The following USP32 variants were observed in gnomAD, a reference collection of about 807,000 sequenced individuals.
The protein encoded by USP32 is ubiquitin carboxyl-terminal hydrolase 32.
Under a neutral mutation model 204.8 loss-of-function variants are expected in USP32, and 59 were observed. The ratio of observed to expected loss-of-function variants is 0.29; its 90% CI spans 0.23 to 0.36. The LOEUF (loss-of-function observed/expected upper bound fraction) is 0.36. Among genes scored for constraint, USP32 ranks in the 10% least tolerant of loss-of-function variants. The pLI is 1.00. For missense variants in USP32, 1,160 were observed against 1,946.4 expected (o/e 0.60, Z 7.60); for synonymous variants, 517 against 678.4 (o/e 0.76, Z 3.70).
rs542482373 is a variant in USP32 at position 60,289,842 on chromosome 17, C to T, written c.412-1160G>A. The stretch of plus-strand genomic sequence containing the variant: ...TTGGAGCAGCTCTAATCCTAATAGA[C>T]ATGCTAAAGAATACGAATAATTAGT... On this transcript the variant is annotated intron_variant, in intron 4 of 33. Coordinates refer to ENST00000300896, the MANE Select transcript of USP32 (RefSeq NM_032582.4). 3.3e-5 allele frequency among the ~76,000 whole-genome samples: 5 copies of T among 152,260 alleles called. No homozygotes were observed. The South Asian group carries it at 1.0e-3, about 32-fold the overall frequency.
intron 11 of USP32, among the ~76,000 whole-genome samples, chr17:60,240,578 TC>T: frequency 6.6e-6 from 1 of 152,110 alleles, no homozygotes; most frequent in East Asian, 1.9e-4. Context: ...GCTGGGGCAT[TC>T]CTACAATGGT....
chr17:60,243,403 G>A (rs2085929271), intron 11 of USP32, among the ~76,000 whole-genome samples: 1 of 152,060 alleles, frequency 6.6e-6, no homozygotes, highest in Non-Finnish European at 1.5e-5. Flanking sequence ...ATGTTGATAA[G>A]TGCGGCAAAA....
chr17:60,260,132 C>T (rs908596565), intron 9 of USP32, among the ~76,000 whole-genome samples: 7 of 152,122 alleles, frequency 4.6e-5, no homozygotes, highest in African/African-American at 1.7e-4. Context: ...TATTACAATG[C>T]TATCAGAACC....
At chr17:60,292,800 T>C (rs2087316388) in intron 4 of USP32, among the ~76,000 whole-genome samples, 1 of 150,132 alleles carries the variant, frequency 6.7e-6, no homozygotes, top group South Asian at 2.1e-4. Context: ...AAAAGCCTCA[T>C]ATTTTGTTAC....
intron 25 of USP32, among the ~76,000 whole-genome samples, chr17:60,205,925 G>C (rs1475555096): frequency 6.6e-6 from 1 of 152,214 alleles, no homozygotes; most frequent in African/African-American, 2.4e-5. Context: ...TCAGCACCAT[G>C]TTGTAGCACA....
At chr17:60,236,631 A>G (rs1224996442) in intron 11 of USP32, among the ~76,000 whole-genome samples, 1 of 152,192 alleles carries the variant, frequency 6.6e-6, no homozygotes, top group African/African-American at 2.4e-5. Flanking sequence ...TAAGTGTACA[A>G]CTCAGTGATT....
chr17:60,267,817 C>T (rs2086633155), intron 7 of USP32, among the ~76,000 whole-genome samples: 1 of 150,672 alleles, frequency 6.6e-6, no homozygotes, highest in African/African-American at 2.4e-5. Flanking sequence ...CCGTGCCAGG[C>T]CTTTTTTTCT....
At chr17:60,262,812 A>G in intron 9 of USP32, among the ~76,000 whole-genome samples, 1 of 152,196 alleles carries the variant, frequency 6.6e-6, no homozygotes, top group East Asian at 1.9e-4. Context: ...TCTTTTAGGA[A>G]TCACCTTTCA....
At chr17:60,366,315 G>A (rs572311573) in intron 1 of USP32, among the ~76,000 whole-genome samples, 1 of 151,952 alleles carries the variant, frequency 6.6e-6, no homozygotes, top group Non-Finnish European at 1.5e-5. Flanking sequence ...CATGCCACCA[G>A]GCCCAGCTAA....
chr17:60,361,847 G>A (rs2089213538), intron 1 of USP32, among the ~76,000 whole-genome samples: 2 of 152,076 alleles, frequency 1.3e-5, no homozygotes, highest in African/African-American at 4.8e-5. Context: ...AAACAGTGTG[G>A]AGAGAGAAAG....
At chr17:60,231,001 C>T (rs9893536) in intron 12 of USP32, among the ~76,000 whole-genome samples, 31,807 of 152,092 alleles carry the variant, frequency 0.21, 8,198 homozygotes, top group African/African-American at 0.61. Flanking sequence ...TATCCTAGAA[C>T]CCTGGTTTTC....
At chr17:60,195,771 C>T (rs1257070399) in intron 27 of USP32, among the ~76,000 whole-genome samples, 2 of 152,208 alleles carry the variant, frequency 1.3e-5, no homozygotes, top group African/African-American at 4.8e-5. Context: ...TGTTAATCAT[C>T]TGGTCTCAGG....
At chr17:60,311,589 G>T (rs767035078) in intron 2 of USP32, among the ~76,000 whole-genome samples, 2 of 152,198 alleles carry the variant, frequency 1.3e-5, no homozygotes, top group Non-Finnish European at 2.9e-5. Context: ...TTGGGAGGCC[G>T]AGGATGGTGG....
chr17:60,285,026 T>C (rs2087075152), intron 5 of USP32, among the ~76,000 whole-genome samples: 1 of 152,214 alleles, frequency 6.6e-6, no homozygotes, highest in African/African-American at 2.4e-5. Context: ...ATACCCTTAA[T>C]TGCAGTAGTC....
intron 9 of USP32, among the ~76,000 whole-genome samples, chr17:60,264,718 G>A (rs755378454): frequency 5.9e-5 from 9 of 151,534 alleles, no homozygotes; most frequent in East Asian, 3.9e-4. Context: ...AAAATCAGCC[G>A]GCATGGTGGC....
intron 1 of USP32, among the ~76,000 whole-genome samples, chr17:60,368,540 G>A (rs1268579754): frequency 1.3e-5 from 2 of 151,820 alleles, no homozygotes; most frequent in Non-Finnish European, 2.9e-5. Context: ...CGGGGGAAAC[G>A]AGGGGAAAAT....
At chr17:60,336,505 A>G (rs927285612) in intron 2 of USP32, among the ~76,000 whole-genome samples, 6 of 140,952 alleles carry the variant, frequency 4.3e-5, no homozygotes, top group East Asian at 2.0e-4. Context: ...CACGAGGTCA[A>G]GAGATCGAGA....
chr17:60,374,094 G>GAATC (rs898015429), intron 1 of USP32, among the ~76,000 whole-genome samples: 12 of 151,956 alleles, frequency 7.9e-5, no homozygotes, highest in Non-Finnish European at 1.6e-4. Context: ...TGAGGCAAGA[G>GAATC]AATCGCTTGA....
At chr17:60,309,106 G>A (rs1327748331) in intron 2 of USP32, among the ~76,000 whole-genome samples, 1 of 152,034 alleles carries the variant, frequency 6.6e-6, no homozygotes, top group East Asian at 1.9e-4. Flanking sequence ...TACTTCAAAA[G>A]GGCAAATAAC....
Sources: gnomAD v4.1 joint callset for allele counts (sites outside exome capture counted in the v4.1 genomes callset) on GRCh38, gnomAD v4.1.1 for gene constraint, MANE v1.5 for transcripts, NCBI Gene and HGNC (gene_info 2026-07-23, HGNC 2026-07-21) for gene names.